ZER1: variants seen among roughly 807,000 people sequenced by gnomAD.
ZER1 encodes the protein zyg-11 related cell cycle regulator, also known as protein zer-1 homolog.
A neutral mutation model predicts 78.8 loss-of-function variants in ZER1; 11 were observed. That is an observed-to-expected ratio of 0.14 (90% CI 0.09 to 0.23). ZER1 has a LOEUF of 0.23. Ranked by LOEUF, ZER1 falls within the 10% of genes least tolerant of loss-of-function variation. The pLI, the probability that ZER1 is intolerant of heterozygous loss-of-function variation, is 1.00. For missense variants in ZER1, 588 were observed against 996.9 expected, an observed-to-expected ratio of 0.59 and a Z score of 5.52; for synonymous variants, 400 against 407.0, an observed-to-expected ratio of 0.98 and a Z score of 0.21.
intron 8 of ZER1, among the ~76,000 whole-genome samples, chr9:128,748,429 G>T (rs1440981623): frequency 6.6e-6 from 1 of 150,542 alleles, no homozygotes; most frequent in Non-Finnish European, 1.5e-5. Flanking sequence ...AATTAGTTGG[G>T]TGTGGTGGTA....
intron 8 of ZER1, among the ~76,000 whole-genome samples, chr9:128,749,269 A>G (rs1863601055): frequency 6.6e-6 from 1 of 151,482 alleles, no homozygotes. Flanking sequence ...CAGAGATTGC[A>G]GTGAGCCAAG....
At position 128,751,322 on chromosome 9, in the gene ZER1, C is replaced by T; in HGVS notation, c.1039-54G>A. On this transcript the variant is annotated intron_variant, in intron 6 of 15. Transcript: ENST00000291900. The surrounding 1 kb of genome is among the most constrained non-coding windows in gnomAD (Gnocchi z 5.4). ...CAGCAGAGGCCAAGGGCTGGGATGC[C>T]AGATCCCAGCTCAGTCTCCAGCCCC... The T allele has an allele frequency of 6.2e-7, 1 of 1,605,458 alleles. No homozygotes were observed. Among genetic ancestry groups the T allele is most frequent in the Non-Finnish European group, 8.5e-7 (1 of 1,173,528 alleles).
At chr9:128,768,394 G>A (rs1461974501) in intron 1 of ZER1, among the ~76,000 whole-genome samples, 1 of 152,158 alleles carries the variant, frequency 6.6e-6, no homozygotes, top group East Asian at 1.9e-4. Context: ...CACAAGCTGT[G>A]TCTCATTTCA....
At chr9:128,750,258 T>C (rs545812368) in intron 8 of ZER1, among the ~76,000 whole-genome samples, 12 of 152,360 alleles carry the variant, frequency 7.9e-5, no homozygotes, top group African/African-American at 2.6e-4. Flanking sequence ...TTTCTGTATA[T>C]CTGTAATTAT....
At chr9:128,735,682 A>T (rs1189880806) in intron 13 of ZER1, among the ~76,000 whole-genome samples, 1 of 148,292 alleles carries the variant, frequency 6.7e-6, no homozygotes, top group African/African-American at 2.5e-5. Context: ...AGAAAGCTGG[A>T]GACCTCAGCA....
intron 8 of ZER1, among the ~76,000 whole-genome samples, chr9:128,746,420 G>T (rs1229219341): frequency 2.2e-4 from 33 of 150,392 alleles, no homozygotes; most frequent in Non-Finnish European, 1.5e-5. Flanking sequence ...AATTCATTTG[G>T]GAGTCTCCAA....
intron 8 of ZER1, among the ~76,000 whole-genome samples, chr9:128,748,371 C>T (rs1257769907): frequency 6.7e-6 from 1 of 149,462 alleles, no homozygotes; most frequent in African/African-American, 2.5e-5. Context: ...CACTTAACTC[C>T]AGCCTGGGTG....
chr9:128,731,518 A>T (rs1862820594), intron 15 of ZER1, 124 bp from the exon 16 acceptor site: 1 of 764,986 alleles, frequency 1.3e-6, no homozygotes, highest in Non-Finnish European at 2.1e-6. Context: ...TGACCGAATG[A>T]TGTGGACAGA....
rs185471157 is a variant in ZER1, at chr9:128,738,631, C to T, written c.2042+1300G>A. Among the ~76,000 whole-genome samples, 15 of 151,926 alleles carry T rather than the reference C, an allele frequency of 9.9e-5. No homozygotes were observed. The East Asian group carries it at 1.2e-3, about 12-fold the overall frequency. On this transcript the variant is annotated intron_variant, in intron 13 of 15. Coordinates refer to ENST00000291900, the MANE Select transcript of ZER1 (RefSeq NM_006336.4). ...CGATTTCCTGACCTCATGATCCGCC[C>T]GCCTCTGCCTCCCAAAGTGCTGGGA...
Position 128,740,173 on chromosome 9 carries a change from A to G in ZER1, c.1854-54T>C. 6.6e-7 allele frequency: 1 copy of G among 1,517,136 alleles called. No individual in the cohort carries two copies. The highest frequency in any genetic ancestry group is 8.9e-7 in the Non-Finnish European group (1 of 1,123,706). 94.0% of individuals were successfully genotyped at this position (1,517,136 alleles called of 1,614,324 possible). A position where few individuals can be genotyped will look rare whatever the true frequency, so the allele number is the denominator to read the frequency against. On this transcript the variant is annotated intron_variant, in intron 12 of 15. Coordinates refer to ENST00000291900, the MANE Select transcript of ZER1 (RefSeq NM_006336.4). This position sits in a 1 kb window ranked among gnomAD's most constrained non-coding sequence, Gnocchi z 4.4. ...TCCCACTCCCCCAGTTTCTCTTCAG[A>G]TACCAGCGGCAGGACCCCAACTTAA...
chr9:128,751,321 C>A lies in ZER1; in HGVS notation c.1039-53G>T. 1 of 1,604,726 alleles carries A rather than the reference C, an allele frequency of 6.2e-7. No homozygotes were observed. Among genetic ancestry groups the A allele is most frequent in the Middle Eastern group, 1.7e-4 (1 of 6,030 alleles). ...CCAGCAGAGGCCAAGGGCTGGGATG[C>A]CAGATCCCAGCTCAGTCTCCAGCCC... On this transcript the variant is annotated intron_variant, in intron 6 of 15. Transcript: ENST00000291900. This position sits in a 1 kb window ranked among gnomAD's most constrained non-coding sequence, Gnocchi z 5.4.
At chr9:128,742,311 T>C (rs896068758) in intron 9 of ZER1, among the ~76,000 whole-genome samples, 6 of 152,240 alleles carry the variant, frequency 3.9e-5, no homozygotes, top group African/African-American at 1.4e-4. Context: ...TGGGACAGGA[T>C]GACAGCATGC....
In ZER1 at chr9:128,753,842, C is replaced by A; in HGVS notation, c.276G>T (p.Val92=). Reference sequence around the variant, plus strand: ...GGATGGCCTCCAGGTCCTGGTCCTGCACCAGGTCCTCACGGAGGTGGATCC... The same window carrying A: ...GGATGGCCTCCAGGTCCTGGTCCTGAACCAGGTCCTCACGGAGGTGGATCC... The part of the protein sequence containing the change: ...LTRIHLREDL[V]QDQDLEAIRK... The change falls in exon 3 of 16, where the codon GTG becomes GTT. Residue 92 remains valine, a synonymous_variant. Transcript: ENST00000291900. The surrounding 1 kb of genome is among the most constrained non-coding windows in gnomAD (Gnocchi z 7.5). The A allele has an allele frequency of 6.2e-7, 1 of 1,601,988 alleles. No individual in the cohort carries two copies. Among genetic ancestry groups the A allele is most frequent in the Non-Finnish European group, 8.5e-7 (1 of 1,175,034 alleles).
Position 128,751,331 on chromosome 9 carries a change from G to A in ZER1, c.1039-63C>T. 6.2e-7 allele frequency: 1 copy of A among 1,608,390 alleles called. No individual in the cohort carries two copies. Among genetic ancestry groups the A allele is most frequent in the Non-Finnish European group, 8.5e-7 (1 of 1,175,648 alleles). On this transcript the variant is annotated intron_variant, in intron 6 of 15. Transcript: ENST00000291900. This position sits in a 1 kb window ranked among gnomAD's most constrained non-coding sequence, Gnocchi z 5.4. ...CCAAGGGCTGGGATGCCAGATCCCA[G>A]CTCAGTCTCCAGCCCCAGAATCCAG... is the stretch of plus-strand genomic sequence containing the variant.
chr9:128,753,519 G>C lies in ZER1; in HGVS notation c.391C>G (p.Leu131Val), dbSNP rs1316605404. ...CAGCCGAAGAGGCTCAAGGACACCA[G>C]GGTGTGGCTGAAGCTCCTCAGTGTC... ...LQTLRSFSHT[L>V]VSLSLFGCTN... The change falls in exon 4 of 16, where the codon CTG (leucine) becomes GTG (valine). Residue 131 changes from leucine (L) to valine (V), a missense_variant. Leu to Val is a conservative substitution (Grantham distance 32, BLOSUM62 1). Coordinates refer to ENST00000291900, the MANE Select transcript of ZER1 (RefSeq NM_006336.4). This position sits in a 1 kb window ranked among gnomAD's most constrained non-coding sequence, Gnocchi z 7.5. 1 of 1,614,080 alleles carries C rather than the reference G, an allele frequency of 6.2e-7. No individual in the cohort carries two copies. The highest frequency in any genetic ancestry group is 8.5e-7 in the Non-Finnish European group (1 of 1,180,034).
intron 1 of ZER1, among the ~76,000 whole-genome samples, chr9:128,762,012 C>T (rs2132477404): frequency 6.6e-6 from 1 of 152,330 alleles, no homozygotes; most frequent in African/African-American, 2.4e-5. Context: ...GCAAGCTTGT[C>T]CAACCTGTGG....
intron 8 of ZER1, among the ~76,000 whole-genome samples, chr9:128,743,880 C>T (rs1863392342): frequency 1.4e-5 from 2 of 144,172 alleles, no homozygotes; most frequent in African/African-American, 5.2e-5. Context: ...ACAGGCGCCT[C>T]CAATGGCCCC....
chr9:128,740,204 G>T lies in ZER1; in HGVS notation c.1854-85C>A. On this transcript the variant is annotated intron_variant, in intron 12 of 15. Transcript: ENST00000291900. This position sits in a 1 kb window ranked among gnomAD's most constrained non-coding sequence, Gnocchi z 4.4. ...GCGGCAGGACCCCAACTTAAAACCA[G>T]AAGCAAGAGGTGCTACTTATTTCTT... The T allele has an allele frequency of 7.6e-7, 1 of 1,315,312 alleles. No individual in the cohort carries two copies. The highest frequency in any genetic ancestry group is 1.0e-6 in the Non-Finnish European group (1 of 959,770). The allele number at this position is 1,315,312 out of a possible 1,614,324, so 81.5% of individuals were successfully genotyped here.
intron 8 of ZER1, among the ~76,000 whole-genome samples, chr9:128,744,045 C>A (rs1453549288): frequency 6.6e-6 from 1 of 151,822 alleles, no homozygotes; most frequent in Non-Finnish European, 1.5e-5. Context: ...TTACAGGCAA[C>A]TGCCACCACG....
Sources: gnomAD v4.1 joint callset for allele counts (sites outside exome capture counted in the v4.1 genomes callset) on GRCh38, gnomAD v4.1.1 for gene constraint, Gnocchi (gnomAD v3.1) non-coding constraint, MANE v1.5 for transcripts, NCBI Gene and HGNC (gene_info 2026-07-23, HGNC 2026-07-21) for gene names.